The following ATXN7L1 variants were observed in gnomAD, a reference collection of about 807,000 sequenced individuals.
ATXN7L1 encodes the protein ataxin 7 like 1, also known as ataxin-7-like protein 1.
ATXN7L1 carries 15 observed loss-of-function variants against 70.8 expected under a neutral mutation model. That is an observed-to-expected ratio of 0.21 (90% CI 0.14 to 0.33). The LOEUF is 0.33. ATXN7L1 is among the 10% of genes least tolerant of loss of function. The probability of loss-of-function intolerance (pLI) is 1.00; values close to 1 mark genes in which losing one functional copy is unlikely to be tolerated. For synonymous variants in ATXN7L1, 440 were observed against 445.1 expected (o/e 0.99, Z 0.14); for missense variants, 975 against 1,097.1 (o/e 0.89, Z 1.57).
intron 3 of ATXN7L1, among the ~76,000 whole-genome samples, chr7:105,702,914 C>T (rs1305027671): frequency 6.6e-6 from 1 of 151,966 alleles, no homozygotes; most frequent in Admixed American, 6.6e-5. Flanking sequence ...GTCAGGAGAT[C>T]GAGACCATCC....
chr7:105,620,895 A>AT (rs1333091558), intron 8 of ATXN7L1, among the ~76,000 whole-genome samples: 40 of 13,946 alleles, frequency 2.9e-3, no homozygotes, highest in African/African-American at 4.5e-3. Context: ...ACTGTCTCAG[A>AT]GAAAAAAAAA....
chr7:105,775,668 C>G (rs189106498), intron 3 of ATXN7L1, among the ~76,000 whole-genome samples: 1 of 152,290 alleles, frequency 6.6e-6, no homozygotes, highest in East Asian at 1.9e-4. Context: ...GGACAGTGGG[C>G]CCTTCCCATG....
intron 3 of ATXN7L1, among the ~76,000 whole-genome samples, chr7:105,774,686 A>T (rs908491201): frequency 7.2e-5 from 11 of 152,088 alleles, no homozygotes; most frequent in African/African-American, 2.7e-4. Flanking sequence ...GAGCACTACC[A>T]TATACTCATT....
At chr7:105,768,641 A>G (rs908206341) in intron 3 of ATXN7L1, among the ~76,000 whole-genome samples, 2 of 152,248 alleles carry the variant, frequency 1.3e-5, no homozygotes, top group African/African-American at 4.8e-5. Context: ...ACTAATCAGA[A>G]TGCTGAAGGG....
At chr7:105,844,296 T>C (rs1181790682) in intron 2 of ATXN7L1, among the ~76,000 whole-genome samples, 2 of 152,124 alleles carry the variant, frequency 1.3e-5, no homozygotes, top group Non-Finnish European at 2.9e-5. Flanking sequence ...ATAAGAAAAC[T>C]AAATCCCTTC....
At chr7:105,820,242 T>G in intron 2 of ATXN7L1, 1 of 211,408 alleles carries the variant, frequency 4.7e-6, no homozygotes, top group Non-Finnish European at 9.3e-6. Context: ...TTCAAACTAA[T>G]ATTCAAGAAA....
At chr7:105,668,758 G>A (rs1189351060) in intron 3 of ATXN7L1, among the ~76,000 whole-genome samples, 1 of 151,916 alleles carries the variant, frequency 6.6e-6, no homozygotes, top group African/African-American at 2.4e-5. Flanking sequence ...TTTTGGTAAG[G>A]CCAGGCATGG....
chr7:105,644,890 G>C (rs1798759970), intron 4 of ATXN7L1, among the ~76,000 whole-genome samples: 1 of 152,248 alleles, frequency 6.6e-6, no homozygotes, highest in South Asian at 2.1e-4. Context: ...ATCAATGGAT[G>C]AATGGATAAG....
intron 3 of ATXN7L1, among the ~76,000 whole-genome samples, chr7:105,749,085 A>C (rs1344747541): frequency 6.6e-6 from 1 of 152,164 alleles, no homozygotes; most frequent in Non-Finnish European, 1.5e-5. Context: ...TGTTTTCCTT[A>C]TTAGATTTGT....
At chr7:105,850,427 T>C (rs930586768) in intron 2 of ATXN7L1, among the ~76,000 whole-genome samples, 11 of 152,260 alleles carry the variant, frequency 7.2e-5, no homozygotes, top group African/African-American at 2.7e-4. Flanking sequence ...AAATGTTCAC[T>C]GCGCATTTCC....
intron 3 of ATXN7L1, among the ~76,000 whole-genome samples, chr7:105,692,403 T>TTCCTTCCTTCCTTCCTTCCC (rs1554431600): frequency 3.7e-4 from 25 of 68,068 alleles, no homozygotes; most frequent in African/African-American, 1.4e-3. Context: ...CCTTCCTTCC[T>TTCCTTCCTTCCTTCCTTCCC]TCCTTCCTTC....
At chr7:105,766,059 A>G (rs1048484871) in intron 3 of ATXN7L1, among the ~76,000 whole-genome samples, 1 of 151,674 alleles carries the variant, frequency 6.6e-6, no homozygotes, top group Non-Finnish European at 1.5e-5. Context: ...AAACACACTC[A>G]ACCCTTTGGC....
intron 4 of ATXN7L1, among the ~76,000 whole-genome samples, chr7:105,644,945 C>T (rs1352151372): frequency 6.6e-6 from 1 of 152,198 alleles, no homozygotes; most frequent in East Asian, 1.9e-4. Flanking sequence ...GAAATTCTGA[C>T]ACGGGCAGGA....
intron 3 of ATXN7L1, among the ~76,000 whole-genome samples, chr7:105,726,545 A>C (rs1238593985): frequency 1.3e-5 from 2 of 152,170 alleles, no homozygotes; most frequent in African/African-American, 2.4e-5. Context: ...GCTGGGCTTC[A>C]TGCTTGGCAC....
chr7:105,851,821 C>T (rs998724931), intron 2 of ATXN7L1, among the ~76,000 whole-genome samples: 1 of 152,220 alleles, frequency 6.6e-6, no homozygotes, highest in African/African-American at 2.4e-5. Context: ...CGCCCTCACA[C>T]CTCTGCAATT....
intron 2 of ATXN7L1, among the ~76,000 whole-genome samples, chr7:105,789,069 G>A (rs539413435): frequency 6.6e-6 from 1 of 152,172 alleles, no homozygotes; most frequent in Non-Finnish European, 1.5e-5. Context: ...CAGGATGCGG[G>A]GAACTCCCCC....
At chr7:105,690,607 C>T (rs929472476) in intron 3 of ATXN7L1, among the ~76,000 whole-genome samples, 8 of 152,104 alleles carry the variant, frequency 5.3e-5, no homozygotes, top group Non-Finnish European at 1.2e-4. Flanking sequence ...AAATATTTAA[C>T]CCGAGGCACA....
At chr7:105,664,649 C>G (rs1355735743) in intron 4 of ATXN7L1, among the ~76,000 whole-genome samples, 2 of 150,740 alleles carry the variant, frequency 1.3e-5, no homozygotes, top group Non-Finnish European at 1.5e-5. Context: ...CGGCTCACCA[C>G]AACTCCGCCT....
chr7:105,825,489 A>T (rs907403559), intron 2 of ATXN7L1, among the ~76,000 whole-genome samples: 3 of 151,824 alleles, frequency 2.0e-5, no homozygotes, highest in South Asian at 2.1e-4. Context: ...TTAAGGATAA[A>T]CATATAGGTA....
Sources: gnomAD v4.1 joint callset for allele counts (sites outside exome capture counted in the v4.1 genomes callset) on GRCh38, gnomAD v4.1.1 for gene constraint, MANE v1.5 for transcripts, NCBI Gene and HGNC (gene_info 2026-07-23, HGNC 2026-07-21) for gene names.